The following HS3ST4 variants were observed in gnomAD, a reference collection of about 807,000 sequenced individuals.
HS3ST4 encodes heparan sulfate glucosamine 3-O-sulfotransferase 4.
HS3ST4 carries 17 observed loss-of-function variants against 29.2 expected under a neutral mutation model. The ratio of observed to expected loss-of-function variants is 0.58; its 90% CI spans 0.40 to 0.87. The LOEUF (loss-of-function observed/expected upper bound fraction) is 0.87, where lower values mean the gene tolerates loss of function less well. Ranked by LOEUF, HS3ST4 falls within the 40% of genes least tolerant of loss-of-function variation. The probability of loss-of-function intolerance (pLI) is 0.00; values close to 1 mark genes in which losing one functional copy is unlikely to be tolerated. For missense variants in HS3ST4, 627 were observed against 634.5 expected (o/e 0.99, Z 0.13); for synonymous variants, 314 against 285.7 (o/e 1.10, Z -1.00).
chr16:26,032,922 A>G (rs948243598), intron 1 of HS3ST4: 3 of 844,444 alleles, frequency 3.6e-6, no homozygotes, highest in African/African-American at 3.4e-5. Context: ...ACTGCTCCGG[A>G]GGCGTGTTTT....
chr16:25,877,957 T>A (rs4423428), intron 1 of HS3ST4, among the ~76,000 whole-genome samples: 85,836 of 151,956 alleles, frequency 0.56, 24,994 homozygotes, highest in Non-Finnish European at 0.63. Flanking sequence ...TCAAAAGCAG[T>A]CAGGTAAACA....
chr16:25,835,710 G>A lies in HS3ST4; in HGVS notation c.734+142559G>A, dbSNP rs919020033. 4.6e-5 allele frequency among the ~76,000 whole-genome samples: 7 copies of A among 152,210 alleles called. No individual in the cohort carries two copies. The East Asian group carries it at 1.3e-3, about 29-fold the overall frequency. Reference sequence around the variant, plus strand: ...ATCAGGTCTGCATAAGGGCAATTCTGTGCTGTTTCTTTTCACTGAAGAAAA... The same window carrying A: ...ATCAGGTCTGCATAAGGGCAATTCTATGCTGTTTCTTTTCACTGAAGAAAA... On this transcript the variant is annotated intron_variant, in intron 1 of 1. Transcript: ENST00000331351.
intron 1 of HS3ST4, among the ~76,000 whole-genome samples, chr16:25,790,752 C>G (rs1186302557): frequency 6.6e-6 from 1 of 151,952 alleles, no homozygotes; most frequent in African/African-American, 2.4e-5. Context: ...TGCTTTTTTC[C>G]TCTCCTATTG....
intron 1 of HS3ST4, among the ~76,000 whole-genome samples, chr16:26,093,310 A>G (rs528472771): frequency 7.5e-6 from 1 of 134,216 alleles, no homozygotes; most frequent in African/African-American, 3.0e-5. Flanking sequence ...ACCCCTGTGT[A>G]GCCTAACTGG....
chr16:25,773,216 T>C (rs1347776970), intron 1 of HS3ST4, among the ~76,000 whole-genome samples: 1 of 152,212 alleles, frequency 6.6e-6, no homozygotes, highest in Non-Finnish European at 1.5e-5. Context: ...CTGCACAGCA[T>C]TCTCAAATGT....
intron 1 of HS3ST4, among the ~76,000 whole-genome samples, chr16:25,968,400 A>G (rs1968864570): frequency 6.6e-6 from 1 of 152,152 alleles, no homozygotes. Flanking sequence ...GCAATGCACC[A>G]TGAGGGTTGA....
Position 25,865,608 on chromosome 16 carries a change from T to C in HS3ST4, c.734+172457T>C, listed in dbSNP as rs1271620358. Among the ~76,000 whole-genome samples the C allele has an allele frequency of 3.3e-5, 5 of 152,190 alleles. No homozygotes were observed. In the East Asian group the frequency reaches 9.6e-4, roughly 29 times the overall value. On this transcript the variant is annotated intron_variant, in intron 1 of 1. Transcript: ENST00000331351. ...TAGAGTAATCAAATCTGCATGGTAC[T>C]GGGCATAGAAACAGACATATAGACC...
chr16:25,762,306 G>T (rs548366874), intron 1 of HS3ST4, among the ~76,000 whole-genome samples: 2 of 152,274 alleles, frequency 1.3e-5, no homozygotes, highest in African/African-American at 4.8e-5. Flanking sequence ...TTGAACGTGG[G>T]TCAGTCAGAT....
chr16:25,841,205 C>G (rs1567252664), intron 1 of HS3ST4, among the ~76,000 whole-genome samples: 2 of 152,062 alleles, frequency 1.3e-5, no homozygotes, highest in African/African-American at 2.4e-5. Flanking sequence ...CGGGGTTTCA[C>G]TGTGTTAGCC....
At chr16:25,762,715 A>G (rs1567234859) in intron 1 of HS3ST4, among the ~76,000 whole-genome samples, 1 of 151,342 alleles carries the variant, frequency 6.6e-6, no homozygotes, top group Non-Finnish European at 1.5e-5. Context: ...AAAACAAACA[A>G]ACAAACAAAC....
intron 1 of HS3ST4, among the ~76,000 whole-genome samples, chr16:25,914,705 C>T (rs988945348): frequency 6.6e-5 from 10 of 151,458 alleles, no homozygotes; most frequent in Non-Finnish European, 4.4e-5. Flanking sequence ...TGCAGAAGTC[C>T]TGTGCTACTG....
At chr16:26,104,113 G>A (rs1028657291) in intron 1 of HS3ST4, among the ~76,000 whole-genome samples, 1 of 152,188 alleles carries the variant, frequency 6.6e-6, no homozygotes, top group Non-Finnish European at 1.5e-5. Flanking sequence ...TGAGTTGCTG[G>A]TTAAGAGAAG....
intron 1 of HS3ST4, among the ~76,000 whole-genome samples, chr16:25,980,288 T>G (rs1968991025): frequency 6.6e-6 from 1 of 152,222 alleles, no homozygotes. Context: ...GCCCTCTTCC[T>G]GGGACACACC....
intron 1 of HS3ST4, among the ~76,000 whole-genome samples, chr16:25,711,791 T>A (rs1008907397): frequency 6.6e-6 from 1 of 152,114 alleles, no homozygotes; most frequent in Non-Finnish European, 1.5e-5. Context: ...TGTCTGAGTT[T>A]ATTTATTGCT....
At chr16:25,842,869 C>A (rs570788701) in intron 1 of HS3ST4, among the ~76,000 whole-genome samples, 33 of 152,246 alleles carry the variant, frequency 2.2e-4, no homozygotes, top group African/African-American at 7.5e-4. Flanking sequence ...AAAAACCTTA[C>A]TTTTTGCACC....
intron 1 of HS3ST4, among the ~76,000 whole-genome samples, chr16:25,771,312 C>A (rs1966841706): frequency 6.6e-6 from 1 of 152,094 alleles, no homozygotes; most frequent in Admixed American, 6.6e-5. Flanking sequence ...TAGGGCCAAA[C>A]CTCTGGAGCC....
chr16:25,947,924 A>AG (rs1428536234), intron 1 of HS3ST4, among the ~76,000 whole-genome samples: 2 of 152,194 alleles, frequency 1.3e-5, no homozygotes, highest in Non-Finnish European at 2.9e-5. Flanking sequence ...GCAAAAAAAA[A>AG]GATAACACCA....
intron 1 of HS3ST4, among the ~76,000 whole-genome samples, chr16:25,716,603 A>G (rs1966455930): frequency 6.6e-6 from 1 of 152,214 alleles, no homozygotes; most frequent in East Asian, 1.9e-4. Context: ...TTTAAGCCAT[A>G]TCATTTTGGG....
rs552564133 is a variant in HS3ST4 at position 25,786,825 on chromosome 16, G to A, written c.734+93674G>A. 2.0e-5 allele frequency among the ~76,000 whole-genome samples: 3 copies of A among 152,300 alleles called. No individual in the cohort carries two copies. The South Asian group carries it at 6.2e-4, about 32-fold the overall frequency. ...TTTAAAAAAAAACCCTATAATTTCA[G>A]AGTATGCTACTGCTTCAAGAGTGAC... is the stretch of plus-strand genomic sequence containing the variant. On this transcript the variant is annotated intron_variant, in intron 1 of 1. Coordinates refer to ENST00000331351, the MANE Select transcript of HS3ST4 (RefSeq NM_006040.3).
Sources: gnomAD v4.1 joint callset for allele counts (sites outside exome capture counted in the v4.1 genomes callset) on GRCh38, gnomAD v4.1.1 for gene constraint, MANE v1.5 for transcripts, NCBI Gene and HGNC (gene_info 2026-07-23, HGNC 2026-07-21) for gene names.